The following B3GLCT variants were observed in gnomAD, a reference collection of about 807,000 sequenced individuals.
B3GLCT encodes the protein beta-1,3-glucosyltransferase.
Under a neutral mutation model 63.4 loss-of-function variants are expected in B3GLCT, and 65 were observed. The observed-to-expected ratio is 1.03, with a 90% CI of 0.84 to 1.26. B3GLCT has a LOEUF of 1.26. B3GLCT is among the 50% of genes most tolerant of loss of function. The pLI is 0.00. For synonymous variants in B3GLCT, 233 were observed against 219.2 expected (o/e 1.06, Z -0.55); for missense variants, 577 against 604.8 (o/e 0.95, Z 0.48).
At chr13:31,311,124 A>T (rs1311429581) in intron 12 of B3GLCT, among the ~76,000 whole-genome samples, 4 of 152,254 alleles carry the variant, frequency 2.6e-5, no homozygotes. Context: ...GTTTCCTGAC[A>T]TCTGCTCCTG....
chr13:31,319,525 C>T (rs1276547735), intron 13 of B3GLCT, among the ~76,000 whole-genome samples: 1 of 152,206 alleles, frequency 6.6e-6, no homozygotes, highest in Non-Finnish European at 1.5e-5. Context: ...ACCTGAAACA[C>T]CCCTTTCTCT....
intron 12 of B3GLCT, among the ~76,000 whole-genome samples, chr13:31,292,281 T>A (rs1873704329): frequency 1.3e-5 from 2 of 152,184 alleles, no homozygotes; most frequent in African/African-American, 4.8e-5. Context: ...TTTTTTTTCT[T>A]GTGTCTCTGC....
In B3GLCT at chr13:31,231,669, T is replaced by G. The variant is rs558212183; in HGVS notation, c.270+2375T>G. Among the ~76,000 whole-genome samples the G allele has an allele frequency of 2.6e-5, 4 of 152,350 alleles. No individual in the cohort carries two copies. The East Asian group carries it at 7.7e-4, about 29-fold the overall frequency. ...GGGAAGAGTAGTTTTTAGAGCACCT[T>G]CGAGCAGGGCAGTGTTCCTGGGACT... On this transcript the variant is annotated intron_variant, in intron 4 of 14. Coordinates refer to ENST00000343307, the MANE Select transcript of B3GLCT (RefSeq NM_194318.4).
At chr13:31,234,277 C>T (rs142655585) in intron 4 of B3GLCT, among the ~76,000 whole-genome samples, 6,319 of 152,178 alleles carry the variant, frequency 0.042, 149 homozygotes, top group Non-Finnish European at 0.05. Flanking sequence ...GCCTCGGCCT[C>T]CCAAAGTGCT....
chr13:31,320,325 G>A (rs893311924), intron 13 of B3GLCT, among the ~76,000 whole-genome samples: 4 of 152,130 alleles, frequency 2.6e-5, no homozygotes, highest in African/African-American at 9.7e-5. Flanking sequence ...ATCTTCTCTA[G>A]TTTGCCTGAT....
At chr13:31,202,435 T>A (rs538414631) in intron 1 of B3GLCT, among the ~76,000 whole-genome samples, 2 of 152,330 alleles carry the variant, frequency 1.3e-5, no homozygotes, top group South Asian at 4.1e-4. Flanking sequence ...CTGGATAGAA[T>A]ACTAGCACTT....
intron 3 of B3GLCT, among the ~76,000 whole-genome samples, chr13:31,224,064 G>T (rs1018299540): frequency 6.6e-6 from 1 of 152,172 alleles, no homozygotes; most frequent in African/African-American, 2.4e-5. Flanking sequence ...GAGGGGTGCA[G>T]AAGTTCAGGA....
chr13:31,259,335 G>T (rs193026299), intron 6 of B3GLCT, among the ~76,000 whole-genome samples: 138 of 152,088 alleles, frequency 9.1e-4, no homozygotes, highest in African/African-American at 3.2e-3. Context: ...AATTAAGAAG[G>T]CTATGGATGA....
At chr13:31,263,054 A>T (rs1872118462) in intron 7 of B3GLCT, among the ~76,000 whole-genome samples, 1 of 152,178 alleles carries the variant, frequency 6.6e-6, no homozygotes, top group South Asian at 2.1e-4. Context: ...TCCAGGGCTA[A>T]AGAGGAAACC....
intron 12 of B3GLCT, among the ~76,000 whole-genome samples, chr13:31,296,961 A>G (rs986193911): frequency 1.3e-5 from 2 of 150,396 alleles, no homozygotes; most frequent in East Asian, 2.0e-4. Context: ...CCATCATTCT[A>G]TTTTCTGCCT....
chr13:31,203,458 G>A (rs542466935), intron 1 of B3GLCT, among the ~76,000 whole-genome samples: 3 of 152,284 alleles, frequency 2.0e-5, no homozygotes, highest in South Asian at 4.1e-4. Context: ...GTGTGAATTC[G>A]AAGGAGGTGC....
chr13:31,293,634 C>CT (rs1566085721), intron 12 of B3GLCT, among the ~76,000 whole-genome samples: 1 of 152,046 alleles, frequency 6.6e-6, no homozygotes, highest in Non-Finnish European at 1.5e-5. Flanking sequence ...CCCTTGCTCT[C>CT]TTTTTTTGCT....
intron 4 of B3GLCT, among the ~76,000 whole-genome samples, chr13:31,236,340 A>G (rs887887370): frequency 2.0e-5 from 3 of 152,042 alleles, no homozygotes; most frequent in African/African-American, 7.2e-5. Flanking sequence ...CTTAATTTTT[A>G]TTGTCCTTTA....
chr13:31,265,984 A>G (rs1048850694), intron 7 of B3GLCT, among the ~76,000 whole-genome samples: 37 of 151,250 alleles, frequency 2.4e-4, no homozygotes, highest in African/African-American at 8.7e-4. Context: ...GAACTGTGCT[A>G]TTGGGGGCAT....
chr13:31,323,174 A>G (rs1209177986), intron 13 of B3GLCT, among the ~76,000 whole-genome samples: 1 of 152,224 alleles, frequency 6.6e-6, no homozygotes, highest in East Asian at 1.9e-4. Context: ...ATGTGGAATC[A>G]GTATTTTTGA....
chr13:31,204,672 G>A (rs1868856517), intron 1 of B3GLCT, among the ~76,000 whole-genome samples: 4 of 152,128 alleles, frequency 2.6e-5, no homozygotes, highest in African/African-American at 9.7e-5. Flanking sequence ...TATGTGATAT[G>A]GCTGCCGTTT....
intron 12 of B3GLCT, among the ~76,000 whole-genome samples, chr13:31,288,127 CAATG>C (rs1267385227): frequency 6.6e-6 from 1 of 152,102 alleles, no homozygotes; most frequent in Non-Finnish European, 1.5e-5. Flanking sequence ...CCAAGAGTGT[CAATG>C]AACCCCAGGC....
chr13:31,234,734 G>T (rs1350629431), intron 4 of B3GLCT, among the ~76,000 whole-genome samples: 1 of 152,108 alleles, frequency 6.6e-6, no homozygotes, highest in African/African-American at 2.4e-5. Flanking sequence ...GGCCCTCCTG[G>T]TATTCTGAGG....
At chr13:31,204,476 A>G (rs1334613394) in intron 1 of B3GLCT, among the ~76,000 whole-genome samples, 4 of 152,200 alleles carry the variant, frequency 2.6e-5, no homozygotes, top group African/African-American at 9.6e-5. Flanking sequence ...CCGAAAGGGA[A>G]GCAGAAATCA....
Sources: gnomAD v4.1 joint callset for allele counts (sites outside exome capture counted in the v4.1 genomes callset) on GRCh38, gnomAD v4.1.1 for gene constraint, MANE v1.5 for transcripts, NCBI Gene and HGNC (gene_info 2026-07-23, HGNC 2026-07-21) for gene names.